NCAM1: variants seen among roughly 807,000 people sequenced by gnomAD.
NCAM1 encodes antigen recognized by monoclonal antibody 5.1H11.
Under a neutral mutation model 109.8 loss-of-function variants are expected in NCAM1, and 14 were observed. The observed-to-expected ratio is 0.13, with a 90% confidence interval of 0.08 to 0.20. The LOEUF (loss-of-function observed/expected upper bound fraction) is 0.20, where lower values mean the gene tolerates loss of function less well. Ranked by LOEUF, NCAM1 falls within the 10% of genes least tolerant of loss-of-function variation. The probability of loss-of-function intolerance (pLI) is 1.00; values close to 1 mark genes in which losing one functional copy is unlikely to be tolerated. For synonymous variants in NCAM1, 418 were observed against 442.9 expected (o/e 0.94, Z 0.70); for missense variants, 774 against 1,109.9 (o/e 0.70, Z 4.30).
chr11:113,205,712 A>T, intron 4 of NCAM1, 46 bp downstream of exon 4: 1 of 1,592,620 alleles, frequency 6.3e-7, no homozygotes, highest in Non-Finnish European at 8.6e-7. Context: ...CAGGCCACCA[A>T]GTTCCCTAGC....
rs528142024 is a variant in NCAM1, at chr11:113,190,967, G to T, written c.53-11412G>T. Among the ~76,000 whole-genome samples the T allele has an allele frequency of 1.1e-4, 16 of 152,294 alleles. 1 individual carries two copies. The highest frequency in any genetic ancestry group is 3.9e-4 in the African/African-American group (16 of 41,558). The stretch of plus-strand genomic sequence containing the variant: ...ATAATCTGTTTCAAATGCACACTCT[G>T]CAGGGAGTGGGGGCAGAACCAGTCA... On this transcript the variant is annotated intron_variant, in intron 1 of 19. Transcript: ENST00000316851.
chr11:113,026,041 C>T (rs576809370), intron 1 of NCAM1, among the ~76,000 whole-genome samples: 1 of 152,206 alleles, frequency 6.6e-6, no homozygotes, highest in African/African-American at 2.4e-5. Context: ...TGCTCAAGAA[C>T]CCTTATTAAG....
intron 1 of NCAM1, among the ~76,000 whole-genome samples, chr11:113,039,655 GAAT>G (rs1209498080): frequency 7.9e-5 from 12 of 152,156 alleles, no homozygotes; most frequent in Non-Finnish European, 1.5e-4. Context: ...ATAATTTTCA[GAAT>G]ATTATTTGTC....
chr11:113,263,354 ACT>A (rs1437369825), intron 17 of NCAM1: 1 of 995,446 alleles, frequency 1.0e-6, no homozygotes, highest in Admixed American at 5.7e-5. Context: ...CCTCATTCTA[ACT>A]CTGTGCTCCT....
At chr11:113,130,373 CAG>C (rs1400147250) in intron 1 of NCAM1, among the ~76,000 whole-genome samples, 7 of 152,188 alleles carry the variant, frequency 4.6e-5, no homozygotes, top group African/African-American at 1.2e-4. Flanking sequence ...CTGAACAAAA[CAG>C]AGAAAATCCC....
intron 9 of NCAM1, among the ~76,000 whole-genome samples, chr11:113,225,851 G>A (rs1293065262): frequency 1.3e-5 from 2 of 152,190 alleles, no homozygotes; most frequent in African/African-American, 4.8e-5. Context: ...AAGTGAAGGA[G>A]AAATAAAATC....
At chr11:113,123,749 A>C (rs188926310) in intron 1 of NCAM1, among the ~76,000 whole-genome samples, 18 of 152,292 alleles carry the variant, frequency 1.2e-4, no homozygotes, top group Admixed American at 2.6e-4. Flanking sequence ...GGCTTTATCA[A>C]GCCACCCCTC....
chr11:113,247,204 A>G (rs1345494399), intron 15 of NCAM1, among the ~76,000 whole-genome samples: 1 of 152,222 alleles, frequency 6.6e-6, no homozygotes, highest in Non-Finnish European at 1.5e-5. Flanking sequence ...GCCTCTGCTC[A>G]CAGCTTCCCT....
In NCAM1 at chr11:113,273,785, T is replaced by A; in HGVS notation, c.2457-1482T>A. On this transcript the variant is annotated intron_variant, in intron 19 of 19. Transcript: ENST00000316851. This position sits in a 1 kb window ranked among gnomAD's most constrained non-coding sequence, Gnocchi z 6.0. ...CTTTGTCTGCTGTCATCGGGTTGTG[T>A]CCTGTGGTGGTGTGCATTTGTGCTG... is the stretch of plus-strand genomic sequence containing the variant. 2.5e-6 allele frequency: 1 copy of A among 405,908 alleles called. No homozygotes were observed. The highest frequency in any genetic ancestry group is 5.1e-6 in the Non-Finnish European group (1 of 197,466). The allele number at this position is 405,908 out of a possible 1,614,324, so 25.1% of individuals were successfully genotyped here. A position where few individuals can be genotyped will look rare whatever the true frequency, so the allele number is the denominator to read the frequency against.
intron 1 of NCAM1, among the ~76,000 whole-genome samples, chr11:113,066,888 C>T (rs1278188484): frequency 1.3e-5 from 2 of 151,018 alleles, no homozygotes; most frequent in African/African-American, 4.9e-5. Flanking sequence ...CCTGTAGTCC[C>T]AGTTGCTCCG....
At chr11:113,169,072 CTGTG>C (rs1942906450) in intron 1 of NCAM1, among the ~76,000 whole-genome samples, 1 of 133,692 alleles carries the variant, frequency 7.5e-6, no homozygotes, top group African/African-American at 3.2e-5. Flanking sequence ...GTGTGTGTGT[CTGTG>C]TGTGTGTGTC....
chr11:113,179,415 C>T (rs1366242381), intron 1 of NCAM1, among the ~76,000 whole-genome samples: 1 of 152,218 alleles, frequency 6.6e-6, no homozygotes, highest in Non-Finnish European at 1.5e-5. Context: ...GTCTGCTCAG[C>T]TAAGCAATTT....
intron 9 of NCAM1, among the ~76,000 whole-genome samples, chr11:113,224,093 G>T (rs1944764341): frequency 6.6e-6 from 1 of 152,260 alleles, no homozygotes; most frequent in Admixed American, 6.5e-5. Flanking sequence ...GTTCAGGACA[G>T]TGGGTGCAGC....
At chr11:113,177,190 G>A (rs1489220991) in intron 1 of NCAM1, among the ~76,000 whole-genome samples, 1 of 152,124 alleles carries the variant, frequency 6.6e-6, no homozygotes. Context: ...AATGTTCTCA[G>A]TGCTGGTGTT....
intron 1 of NCAM1, 48 bp downstream of exon 1, chr11:112,961,712 C>G (rs1351695041): frequency 3.5e-6 from 4 of 1,145,464 alleles, no homozygotes; most frequent in Non-Finnish European, 5.1e-6. Flanking sequence ...CTAATTACCC[C>G]TTCCTCCTAC....
intron 1 of NCAM1, among the ~76,000 whole-genome samples, chr11:113,093,224 T>C (rs1244632267): frequency 3.9e-5 from 6 of 152,188 alleles, no homozygotes; most frequent in African/African-American, 7.2e-5. Flanking sequence ...AGCTCCCAGA[T>C]GGAGGCCGTA....
intron 17 of NCAM1, among the ~76,000 whole-genome samples, chr11:113,269,120 C>G (rs1555124785): frequency 1.3e-5 from 2 of 152,146 alleles, no homozygotes; most frequent in African/African-American, 4.8e-5. Context: ...TGACCACTGT[C>G]TCCCAGACAC....
chr11:113,218,104 C>G (rs11602799), intron 8 of NCAM1, among the ~76,000 whole-genome samples: 1 of 152,202 alleles, frequency 6.6e-6, no homozygotes, highest in Non-Finnish European at 1.5e-5. Flanking sequence ...AGATCCCAGC[C>G]TAAGCATAGA....
intron 1 of NCAM1, among the ~76,000 whole-genome samples, chr11:112,974,605 G>T (rs929984906): frequency 6.6e-6 from 1 of 152,024 alleles, no homozygotes; most frequent in African/African-American, 2.4e-5. Context: ...GAAATGGATT[G>T]GGGGTAATTT....
Sources: allele counts gnomAD v4.1 joint callset (sites outside exome capture counted in the v4.1 genomes callset), GRCh38; gene constraint gnomAD v4.1.1; non-coding constraint Gnocchi (gnomAD v3.1); transcripts MANE v1.5; gene names NCBI Gene and HGNC (gene_info 2026-07-23, HGNC 2026-07-21).